RMST: variants seen among roughly 807,000 people sequenced by gnomAD.
RMST encodes the protein long intergenic non-protein coding RNA 54.
At chr12:97,476,819 A>AT (rs1430555109) in intron 5 of RMST, among the ~76,000 whole-genome samples, 1 of 152,202 alleles carries the variant, frequency 6.6e-6, no homozygotes, top group Non-Finnish European at 1.5e-5. Context: ...GATATAATAA[A>AT]TTTGGAATTA....
chr12:97,468,539 G>A (rs949092927), intron 5 of RMST, among the ~76,000 whole-genome samples: 1 of 151,938 alleles, frequency 6.6e-6, no homozygotes, highest in African/African-American at 2.4e-5. Context: ...TTATAAGTCT[G>A]TGAATTTCCT....
At chr12:97,482,750 ATTAAATAAATTTATATTAT>A in intron 5 of RMST, among the ~76,000 whole-genome samples, 1 of 40,104 alleles carries the variant, frequency 2.5e-5, no homozygotes, top group Non-Finnish European at 7.0e-5. Flanking sequence ...TTATTTATTT[ATTAAATAAATTTATATTAT>A]TTATTTATTA....
chr12:97,508,442 CT>C, intron 10 of RMST, among the ~76,000 whole-genome samples: 1 of 152,164 alleles, frequency 6.6e-6, no homozygotes. Context: ...AGATTTCCTC[CT>C]CCTGGGGTCC....
intron 11 of RMST, among the ~76,000 whole-genome samples, chr12:97,549,543 A>C (rs1883173212): frequency 6.6e-6 from 1 of 152,238 alleles, no homozygotes; most frequent in Admixed American, 6.5e-5. Flanking sequence ...TGCCATTCAC[A>C]TGGTGTCTGT....
At chr12:97,550,113 GTA>G (rs1297322952) in intron 11 of RMST, among the ~76,000 whole-genome samples, 1 of 152,120 alleles carries the variant, frequency 6.6e-6, no homozygotes, top group Non-Finnish European at 1.5e-5. Flanking sequence ...TCTAAATATT[GTA>G]TTGACAGCCG....
At chr12:97,493,140 C>T (rs1181382712) in intron 6 of RMST, 1 of 152,536 alleles carries the variant, frequency 6.6e-6, no homozygotes. Flanking sequence ...TTAATTCATT[C>T]AGAAACTACA....
chr12:97,504,216 C>A (rs1265135011), intron 10 of RMST, among the ~76,000 whole-genome samples: 1 of 152,000 alleles, frequency 6.6e-6, no homozygotes, highest in African/African-American at 2.4e-5. Context: ...CCAGCCTGGC[C>A]AACATGGCAA....
At chr12:97,472,374 T>C (rs80078355) in intron 5 of RMST, among the ~76,000 whole-genome samples, 4,610 of 152,174 alleles carry the variant, frequency 0.03, 108 homozygotes, top group Non-Finnish European at 0.045. Context: ...AGTAAGAATA[T>C]GGTATAGTGC....
chr12:97,543,157 G>A (rs986772152), intron 11 of RMST, among the ~76,000 whole-genome samples: 54 of 152,134 alleles, frequency 3.5e-4, no homozygotes, highest in African/African-American at 1.2e-3. Flanking sequence ...GTGCTCATAT[G>A]CTGGATTATT....
intron 10 of RMST, among the ~76,000 whole-genome samples, chr12:97,519,682 G>C (rs1880313185): frequency 1.3e-5 from 2 of 152,104 alleles, no homozygotes; most frequent in African/African-American, 4.8e-5. Context: ...CTTATCAGTA[G>C]CTACAACATA....
chr12:97,493,234 A>G (rs1272925443), exon 7 of RMST: 1 of 152,660 alleles, frequency 6.6e-6, no homozygotes, highest in Admixed American at 6.5e-5. Context: ...TGAGCCAAGG[A>G]TTATTGGATC....
At chr12:97,482,737 AT>A (rs1875540370) in intron 5 of RMST, among the ~76,000 whole-genome samples, 1 of 59,418 alleles carries the variant, frequency 1.7e-5, no homozygotes, top group African/African-American at 5.7e-5. Flanking sequence ...AAATAAATTT[AT>A]ATTATTTATT....
chr12:97,532,939 C>G (rs534504714), intron 11 of RMST: 3 of 151,724 alleles, frequency 2.0e-5, no homozygotes, highest in Non-Finnish European at 4.4e-5. Context: ...CTGAATTATT[C>G]TGCTCAATTT....
intron 10 of RMST, among the ~76,000 whole-genome samples, chr12:97,513,067 TCGCGCAGG>T (rs1425447892): frequency 1.3e-5 from 2 of 152,190 alleles, no homozygotes; most frequent in Admixed American, 1.3e-4. Flanking sequence ...CACCCGGAAC[TCGCGCAGG>T]CCCGCAAGCA....
intron 5 of RMST, among the ~76,000 whole-genome samples, chr12:97,480,018 C>T (rs913455838): frequency 6.6e-6 from 1 of 152,092 alleles, no homozygotes; most frequent in Non-Finnish European, 1.5e-5. Context: ...TCTTTTTTGC[C>T]CACTTTTGTT....
intron 10 of RMST, among the ~76,000 whole-genome samples, chr12:97,504,108 G>A (rs941812121): frequency 5.3e-5 from 8 of 151,792 alleles, no homozygotes; most frequent in African/African-American, 1.7e-4. Flanking sequence ...TTAGCCAGGC[G>A]GTCTCGGACT....
At chr12:97,525,968 T>C (rs2136569473) in intron 10 of RMST, among the ~76,000 whole-genome samples, 1 of 152,038 alleles carries the variant, frequency 6.6e-6, no homozygotes, top group South Asian at 2.1e-4. Flanking sequence ...GTGATCTGGG[T>C]TGTGCACTCC....
chr12:97,507,210 GT>G (rs1878782906), intron 10 of RMST, among the ~76,000 whole-genome samples: 1 of 150,520 alleles, frequency 6.6e-6, no homozygotes. Context: ...ATGATTACAT[GT>G]CTGCTTTTTA....
At chr12:97,518,140 AC>A (rs568825271) in intron 10 of RMST, among the ~76,000 whole-genome samples, 133 of 152,262 alleles carry the variant, frequency 8.7e-4, no homozygotes, top group Non-Finnish European at 1.4e-3. Flanking sequence ...AAAGTAGAGC[AC>A]TTTTTAAAAG....
Sources: gnomAD v4.1 joint callset for allele counts (sites outside exome capture counted in the v4.1 genomes callset) on GRCh38, gnomAD v4.1.1 for gene constraint, MANE v1.5 for transcripts, NCBI Gene and HGNC (gene_info 2026-07-23, HGNC 2026-07-21) for gene names.